IL1RAPL1: variants seen among roughly 807,000 people sequenced by gnomAD.
The protein encoded by IL1RAPL1 is interleukin 1 receptor accessory protein like 1.
In IL1RAPL1, 3 loss-of-function variants were observed where a neutral mutation model predicts 48.4. The observed-to-expected ratio is 0.06, with a 90% CI of 0.03 to 0.16. The LOEUF (loss-of-function observed/expected upper bound fraction) is 0.16. Among genes scored for constraint, IL1RAPL1 ranks in the 10% least tolerant of loss-of-function variants. The pLI is 1.00. For missense variants in IL1RAPL1, 349 were observed against 530.6 expected (o/e 0.66, Z 3.36); for synonymous variants, 185 against 187.7 (o/e 0.99, Z 0.12).
At chrX:29,274,330 A>G (rs1402875221) in intron 2 of IL1RAPL1, among the ~76,000 whole-genome samples, 4 of 112,138 alleles carry the variant, frequency 3.6e-5, no homozygotes, top group Non-Finnish European at 7.5e-5. Flanking sequence ...TGTTTACAAT[A>G]TATTATATAT....
intron 2 of IL1RAPL1, among the ~76,000 whole-genome samples, chrX:29,249,012 A>G (rs1364378756): frequency 4.5e-5 from 5 of 111,608 alleles, no homozygotes; most frequent in African/African-American, 1.6e-4. Context: ...TTGAAAAGGT[A>G]TCATTAAATG....
At chrX:28,817,778 C>A (rs190279246) in intron 2 of IL1RAPL1, among the ~76,000 whole-genome samples, 1 of 110,884 alleles carries the variant, frequency 9.0e-6, no homozygotes. Flanking sequence ...TCTTACCAGG[C>A]AGGTTCTGCT....
intron 2 of IL1RAPL1, among the ~76,000 whole-genome samples, chrX:28,947,801 GAA>G (rs1444982230): frequency 9.0e-6 from 1 of 111,546 alleles, no homozygotes; most frequent in Non-Finnish European, 1.9e-5. Context: ...AATATATAGA[GAA>G]ATATTCTCAG....
chrX:29,601,479 A>G (rs1923717231), intron 5 of IL1RAPL1, among the ~76,000 whole-genome samples: 1 of 112,090 alleles, frequency 8.9e-6, no homozygotes. Flanking sequence ...AAGGTCTATC[A>G]GTGAACATGT....
intron 2 of IL1RAPL1, among the ~76,000 whole-genome samples, chrX:29,134,961 T>G (rs755304314): frequency 3.4e-4 from 38 of 112,183 alleles, no homozygotes; most frequent in Middle Eastern, 4.6e-3. Flanking sequence ...GAAACAAATA[T>G]CAGATATCAT....
chrX:29,640,535 A>T (rs1373946723), intron 5 of IL1RAPL1, among the ~76,000 whole-genome samples: 1 of 111,881 alleles, frequency 8.9e-6, no homozygotes, highest in Admixed American at 9.4e-5. Flanking sequence ...TGATCTGTCC[A>T]CCCATATATG....
chrX:29,232,958 C>G (rs1931228097), intron 2 of IL1RAPL1, among the ~76,000 whole-genome samples: 1 of 109,329 alleles, frequency 9.1e-6, no homozygotes, highest in Admixed American at 9.8e-5. Context: ...GCCACCGCAC[C>G]CAGCTAATTT....
chrX:29,696,481 A>G (rs1157514917), intron 6 of IL1RAPL1, among the ~76,000 whole-genome samples: 2 of 112,036 alleles, frequency 1.8e-5, no homozygotes, highest in Non-Finnish European at 3.8e-5. Flanking sequence ...TAAAAAGTAC[A>G]CATATATCAT....
intron 6 of IL1RAPL1, among the ~76,000 whole-genome samples, chrX:29,722,070 A>G (rs1451821912): frequency 9.0e-6 from 1 of 110,892 alleles, no homozygotes; most frequent in Non-Finnish European, 1.9e-5. Context: ...CTTCTTTTTT[A>G]TTGTATTTAT....
Position 29,761,410 on chromosome X carries a change from G to A in IL1RAPL1, c.778+92906G>A, listed in dbSNP as rs752300762. On this transcript the variant is annotated intron_variant, in intron 6 of 10. Transcript: ENST00000378993. ...GTAAAGAAAACAATTTGGGAGAAAA[G>A]CCTCTCGCCAGCATTTCTTCAATCA... Among the ~76,000 whole-genome samples the A allele has an allele frequency of 9.0e-5, 10 of 111,662 alleles. No individual in the cohort carries two copies. In the South Asian group the frequency reaches 3.7e-3, roughly 42 times the overall value.
At chrX:29,826,061 A>C (rs1208086306) in intron 6 of IL1RAPL1, among the ~76,000 whole-genome samples, 2 of 111,480 alleles carry the variant, frequency 1.8e-5, no homozygotes, top group Non-Finnish European at 3.8e-5. Flanking sequence ...TTGCCCAAAG[A>C]AAGAGAACTA....
In IL1RAPL1 at chrX:29,328,642, TAGAGAGAGAG is replaced by T. The variant is rs372684157; in HGVS notation, c.362+45441_362+45450del. 5.8e-5 allele frequency among the ~76,000 whole-genome samples: 6 copies of T among 103,996 alleles called. No homozygotes were observed. In the East Asian group the frequency reaches 9.0e-4, roughly 16 times the overall value. 90.3% of individuals were successfully genotyped at this position (103,996 alleles called of 115,157 possible). A position where few individuals can be genotyped will look rare whatever the true frequency, so the allele number is the denominator to read the frequency against. On this transcript the variant is annotated intron_variant, in intron 3 of 10. Transcript: ENST00000378993. ...AATAAATTATATATGTATATATATA[TAGAGAGAGAG>T]AGAGAGAGAGAGAGACAGAGAGAGA... is the stretch of plus-strand genomic sequence containing the variant.
At chrX:28,654,449 C>A (rs867621606) in intron 1 of IL1RAPL1, among the ~76,000 whole-genome samples, 1 of 111,025 alleles carries the variant, frequency 9.0e-6, no homozygotes, top group East Asian at 2.8e-4. Flanking sequence ...CTAATGGGGC[C>A]GATTAAATGT....
At chrX:29,652,604 A>G (rs781771021) in intron 5 of IL1RAPL1, among the ~76,000 whole-genome samples, 3 of 111,872 alleles carry the variant, frequency 2.7e-5, no homozygotes, top group Admixed American at 1.9e-4. Flanking sequence ...AAAAAATTCA[A>G]TTCGGATCAC....
chrX:29,172,249 T>C (rs1228329543), intron 2 of IL1RAPL1, among the ~76,000 whole-genome samples: 1 of 112,055 alleles, frequency 8.9e-6, no homozygotes, highest in Non-Finnish European at 1.9e-5. Context: ...TGTATGATCC[T>C]AGAATACATA....
chrX:29,827,264 T>C (rs1182280080), intron 6 of IL1RAPL1, among the ~76,000 whole-genome samples: 10 of 112,535 alleles, frequency 8.9e-5, no homozygotes, highest in Non-Finnish European at 1.9e-4. Flanking sequence ...CTGTGTATAA[T>C]TGTTTTTGTA....
chrX:28,855,531 G>A (rs1921783233), intron 2 of IL1RAPL1, among the ~76,000 whole-genome samples: 1 of 110,728 alleles, frequency 9.0e-6, no homozygotes, highest in African/African-American at 3.3e-5. Flanking sequence ...ATTTTTGTGG[G>A]TACATAGATT....
intron 1 of IL1RAPL1, among the ~76,000 whole-genome samples, chrX:28,742,359 A>G (rs1380031283): frequency 8.9e-6 from 1 of 111,781 alleles, no homozygotes; most frequent in African/African-American, 3.2e-5. Context: ...TCTGCAGTTC[A>G]ACAAAATCAA....
At chrX:28,821,911 A>G (rs751333399) in intron 2 of IL1RAPL1, among the ~76,000 whole-genome samples, 1 of 111,495 alleles carries the variant, frequency 9.0e-6, no homozygotes, top group Admixed American at 9.6e-5. Flanking sequence ...ATACACAGAC[A>G]CAGGGTCGGC....
Sources: allele counts gnomAD v4.1 joint callset (sites outside exome capture counted in the v4.1 genomes callset), GRCh38; gene constraint gnomAD v4.1.1; transcripts MANE v1.5; gene names NCBI Gene and HGNC (gene_info 2026-07-23, HGNC 2026-07-21).